The following SEPTIN9 variants were observed in gnomAD, a reference collection of about 807,000 sequenced individuals.
The protein encoded by SEPTIN9 is septin 9.
SEPTIN9 carries 13 observed loss-of-function variants against 56.6 expected under a neutral mutation model. That is an observed-to-expected ratio of 0.23 (90% CI 0.15 to 0.37). The LOEUF (loss-of-function observed/expected upper bound fraction) is 0.37. SEPTIN9 is among the 10% of genes least tolerant of loss of function. The pLI is 1.00. For synonymous variants in SEPTIN9, 332 were observed against 334.1 expected, an observed-to-expected ratio of 0.99 and a Z score of 0.07; for missense variants, 650 against 823.1, an observed-to-expected ratio of 0.79 and a Z score of 2.57.
intron 7 of SEPTIN9, among the ~76,000 whole-genome samples, chr17:77,489,319 C>T (rs1327487326): frequency 1.3e-5 from 2 of 152,162 alleles, no homozygotes; most frequent in Admixed American, 6.5e-5. Flanking sequence ...CAGGGCTGGA[C>T]GGGGCTGCTG....
chr17:77,309,940 C>T (rs2032423479), intron 2 of SEPTIN9, among the ~76,000 whole-genome samples: 1 of 151,994 alleles, frequency 6.6e-6, no homozygotes, highest in African/African-American at 2.4e-5. Context: ...CGGGCAGGCA[C>T]ATCTGTGCTG....
intron 2 of SEPTIN9, among the ~76,000 whole-genome samples, chr17:77,347,609 C>T (rs2033929220): frequency 6.6e-6 from 1 of 151,740 alleles, no homozygotes; most frequent in Non-Finnish European, 1.5e-5. Flanking sequence ...TGTAGCCTCT[C>T]CAGCCTTCTT....
chr17:77,492,593 G>C lies in SEPTIN9; in HGVS notation c.1381-28G>C. ...GTGGGTAGAGCTTGCCACAGGGATG[G>C]GCCCATCTCTCTCCCTCCTTATCCC... On this transcript the variant is annotated intron_variant, in intron 8 of 11. Coordinates refer to ENST00000427177, the MANE Select transcript of SEPTIN9 (RefSeq NM_001113491.2). The surrounding 1 kb of genome is among the most constrained non-coding windows in gnomAD (Gnocchi z 5.4). 1 of 1,601,364 alleles carries C rather than the reference G, an allele frequency of 6.2e-7. No homozygotes were observed. Among genetic ancestry groups the C allele is most frequent in the Non-Finnish European group, 8.6e-7 (1 of 1,168,606 alleles).
Position 77,421,832 on chromosome 17 carries a change from G to C in SEPTIN9, c.721+19129G>C, listed in dbSNP as rs939599625. Reference sequence around the variant, plus strand: ...CACAGTCGAGACACCCTGGCCGAAGGTTCTGCTAAGCTCCATGGAGTGTAG... The same window carrying C: ...CACAGTCGAGACACCCTGGCCGAAGCTTCTGCTAAGCTCCATGGAGTGTAG... On this transcript the variant is annotated intron_variant, in intron 3 of 11. Coordinates refer to ENST00000427177, the MANE Select transcript of SEPTIN9 (RefSeq NM_001113491.2). The surrounding 1 kb of genome is among the most constrained non-coding windows in gnomAD (Gnocchi z 4.6). Among the ~76,000 whole-genome samples the C allele has an allele frequency of 4.6e-5, 7 of 152,078 alleles. No homozygotes were observed. Among genetic ancestry groups the C allele is most frequent in the African/African-American group, 1.7e-4 (7 of 41,414 alleles).
intron 2 of SEPTIN9, among the ~76,000 whole-genome samples, chr17:77,362,126 C>T (rs752859877): frequency 2.0e-5 from 3 of 152,234 alleles, no homozygotes; most frequent in African/African-American, 4.8e-5. Flanking sequence ...TGCCCCGTAT[C>T]GGAGGCTCCA....
intron 1 of SEPTIN9, among the ~76,000 whole-genome samples, chr17:77,291,968 G>A (rs1406220165): frequency 6.6e-6 from 1 of 152,176 alleles, no homozygotes; most frequent in African/African-American, 2.4e-5. Context: ...TCAGTCTGCT[G>A]GTCCCCCTGC....
chr17:77,477,215 T>C (rs2039251823), intron 3 of SEPTIN9, among the ~76,000 whole-genome samples: 1 of 151,842 alleles, frequency 6.6e-6, no homozygotes, highest in South Asian at 2.1e-4. Flanking sequence ...CACAGTTGAG[T>C]GGCATTTTTT....
rs530964478 is a variant in SEPTIN9, at chr17:77,488,556, G to C, written c.1125-171G>C. Among the ~76,000 whole-genome samples, 142 of 152,334 alleles carry C rather than the reference G, an allele frequency of 9.3e-4. 1 individual carries two copies. The highest frequency in any genetic ancestry group is 6.8e-3 in the Middle Eastern group (2 of 294). On this transcript the variant is annotated intron_variant, in intron 6 of 11. Transcript: ENST00000427177. The stretch of plus-strand genomic sequence containing the variant: ...CACCTGAGGCCAGCCCGGGGAGGCT[G>C]GTTTGGGAGGCCGAGGGTAAGGCTG...
Position 77,436,705 on chromosome 17 carries a change from A to T in SEPTIN9, c.721+34002A>T, listed in dbSNP as rs1598373343. Among the ~76,000 whole-genome samples the T allele has an allele frequency of 6.6e-6, 1 of 152,132 alleles. No homozygotes were observed. Among genetic ancestry groups the T allele is most frequent in the Non-Finnish European group, 1.5e-5 (1 of 68,016 alleles). ...AGCCTCGTGGTAGGGGCTGCGGCGG[A>T]GGTGGGCAAAAGCCGCTTCCGGGCA... On this transcript the variant is annotated intron_variant, in intron 3 of 11. Transcript: ENST00000427177. This position sits in a 1 kb window ranked among gnomAD's most constrained non-coding sequence, Gnocchi z 4.4.
chr17:77,494,694 A>G (rs935130836), intron 10 of SEPTIN9, among the ~76,000 whole-genome samples: 9 of 151,878 alleles, frequency 5.9e-5, no homozygotes, highest in African/African-American at 2.2e-4. Flanking sequence ...CCCTCCTTGC[A>G]GAGTTGAAGA....
intron 2 of SEPTIN9, among the ~76,000 whole-genome samples, chr17:77,315,829 G>T (rs1181354230): frequency 6.6e-6 from 1 of 152,232 alleles, no homozygotes; most frequent in Non-Finnish European, 1.5e-5. Flanking sequence ...AAAGTGGCCA[G>T]GGGTCTATGG....
chr17:77,348,654 T>C (rs2117925), intron 2 of SEPTIN9, among the ~76,000 whole-genome samples: 118,045 of 152,072 alleles, frequency 0.78, 46,045 homozygotes, highest in East Asian at 0.99. Context: ...AGTTACTTTA[T>C]AGATTCTATT....
In SEPTIN9 at chr17:77,313,962, A is replaced by G. The variant is rs1260628079; in HGVS notation, c.76+6765A>G. Among the ~76,000 whole-genome samples the G allele has an allele frequency of 2.0e-5, 3 of 151,968 alleles. No homozygotes were observed. Among genetic ancestry groups the G allele is most frequent in the Non-Finnish European group, 2.9e-5 (2 of 67,994 alleles). Reference sequence around the variant, plus strand: ...ATGCCTGTAATCCCAGTACTTTTGGAGCCGAGGTGGGAGGATCACTTGAGC... The same window carrying G: ...ATGCCTGTAATCCCAGTACTTTTGGGGCCGAGGTGGGAGGATCACTTGAGC... On this transcript the variant is annotated intron_variant, in intron 2 of 11. Transcript: ENST00000427177. The surrounding 1 kb of genome is among the most constrained non-coding windows in gnomAD (Gnocchi z 4.5).
At chr17:77,407,486 C>G (rs1470008319) in intron 3 of SEPTIN9, among the ~76,000 whole-genome samples, 2 of 151,874 alleles carry the variant, frequency 1.3e-5, no homozygotes, top group Non-Finnish European at 2.9e-5. Flanking sequence ...GTCAACTTTA[C>G]CCCCAGGACA....
intron 2 of SEPTIN9, among the ~76,000 whole-genome samples, chr17:77,364,533 C>G (rs1229584629): frequency 2.6e-5 from 4 of 152,350 alleles, no homozygotes; most frequent in Middle Eastern, 3.4e-3. Flanking sequence ...TTCCTCTTCT[C>G]TCTTCTCCAT....
rs1005975521 is a variant in SEPTIN9, at chr17:77,437,125, A to G, written c.721+34422A>G. Among the ~76,000 whole-genome samples, 2 of 152,224 alleles carry G rather than the reference A, an allele frequency of 1.3e-5. No individual in the cohort carries two copies. Among genetic ancestry groups the G allele is most frequent in the Non-Finnish European group, 2.9e-5 (2 of 68,042 alleles). Reference sequence around the variant, plus strand: ...CCGTGCCCATTCGGTTGGCATCAGCATCCCTGCCTTGACACCCCCGTGTGG... The same window carrying G: ...CCGTGCCCATTCGGTTGGCATCAGCGTCCCTGCCTTGACACCCCCGTGTGG... On this transcript the variant is annotated intron_variant, in intron 3 of 11. Coordinates refer to ENST00000427177, the MANE Select transcript of SEPTIN9 (RefSeq NM_001113491.2). This position sits in a 1 kb window ranked among gnomAD's most constrained non-coding sequence, Gnocchi z 5.3.
intron 1 of SEPTIN9, among the ~76,000 whole-genome samples, chr17:77,286,667 C>G (rs535235543): frequency 1.3e-5 from 2 of 152,354 alleles, no homozygotes; most frequent in Admixed American, 1.3e-4. Flanking sequence ...CCCCATGTGA[C>G]TGGGACCTAG....
intron 3 of SEPTIN9, among the ~76,000 whole-genome samples, chr17:77,415,635 A>G (rs2036475105): frequency 7.9e-6 from 1 of 126,072 alleles, no homozygotes; most frequent in African/African-American, 3.0e-5. Flanking sequence ...CTCAAAAAAA[A>G]AAAAAAAAAG....
chr17:77,323,229 C>T lies in SEPTIN9; in HGVS notation c.76+16032C>T, dbSNP rs1374977425. 3.3e-5 allele frequency among the ~76,000 whole-genome samples: 5 copies of T among 152,112 alleles called. No individual in the cohort carries two copies. The highest frequency in any genetic ancestry group is 7.2e-5 in the African/African-American group (3 of 41,418). On this transcript the variant is annotated intron_variant, in intron 2 of 11. Transcript: ENST00000427177. The surrounding 1 kb of genome is among the most constrained non-coding windows in gnomAD (Gnocchi z 6.8). The stretch of plus-strand genomic sequence containing the variant: ...CCTGGGAAGGTGCTGGAGGGTTTGT[C>T]AGCAGGGCCGGCATGAGTCATGGAG...
Sources: allele counts gnomAD v4.1 joint callset (sites outside exome capture counted in the v4.1 genomes callset), GRCh38; gene constraint gnomAD v4.1.1; non-coding constraint Gnocchi (gnomAD v3.1); transcripts MANE v1.5; gene names NCBI Gene and HGNC (gene_info 2026-07-23, HGNC 2026-07-21).